Variants in MYBPC3 observed in about 807,000 individuals in gnomAD.
MYBPC3 encodes the protein myosin binding protein C3.
MYBPC3 carries 108 observed loss-of-function variants against 159.3 expected under a neutral mutation model. The ratio of observed to expected loss-of-function variants is 0.68; its 90% confidence interval spans 0.58 to 0.80. The LOEUF is 0.80. Among genes scored for constraint, MYBPC3 ranks in the 30% least tolerant of loss-of-function variants. MYBPC3 has a pLI of 0.00. For synonymous variants in MYBPC3, 730 were observed against 702.0 expected (o/e 1.04, Z -0.63); for missense variants, 1,631 against 1,762.1 (o/e 0.93, Z 1.33).
Position 47,332,578 on chromosome 11 carries a change from C to T in MYBPC3, c.3615G>A (p.Arg1205=), listed in dbSNP as rs771292799. The stretch of plus-strand genomic sequence containing the variant: ...TAAAGTTCCCTACCTTGGGGCTACC[C>T]CGGACAGCACAGCAGAGCATAGCAG... ...GYTAMLCCAV[R]GSPKPKISWF... Residue 1205 remains arginine, a synonymous_variant, in exon 32 of 35, where the codon CGG becomes CGA. Coordinates refer to ENST00000545968, the MANE Select transcript of MYBPC3 (RefSeq NM_000256.3). This position sits in a 1 kb window ranked among gnomAD's most constrained non-coding sequence, Gnocchi z 4.2. 2 of 1,612,112 alleles carry T rather than the reference C, an allele frequency of 1.2e-6. No homozygotes were observed. Among genetic ancestry groups the T allele is most frequent in the East Asian group, 4.5e-5 (2 of 44,840 alleles).
intron 21 of MYBPC3, 121 bp from the exon 22 acceptor site, chr11:47,339,525 C>G: frequency 5.4e-6 from 8 of 1,492,324 alleles, no homozygotes; most frequent in Non-Finnish European, 7.3e-6. Context: ...CCTGACCAGT[C>G]TCTCCCATGG....
chr11:47,333,170 G>A (rs780938223), intron 30 of MYBPC3, 24 bp downstream of exon 30: 11 of 1,596,436 alleles, frequency 6.9e-6, no homozygotes, highest in Admixed American at 6.9e-5. Context: ...GGGTGCACGT[G>A]GGGACCCCAG....
chr11:47,343,725 A>C, intron 12 of MYBPC3, 101 bp from the exon 13 acceptor site: 5 of 1,225,636 alleles, frequency 4.1e-6, no homozygotes, highest in Non-Finnish European at 5.5e-6. Context: ...CCCCCCTCCA[A>C]TCCCCTCTGT....
intron 30 of MYBPC3, 87 bp downstream of exon 30, chr11:47,333,107 C>T: frequency 1.3e-6 from 2 of 1,528,778 alleles, no homozygotes; most frequent in South Asian, 1.2e-5. Context: ...GTGAGGGGTC[C>T]ACGGTGAGGA....
rs375675796 is a variant in MYBPC3, at chr11:47,337,564, C to A, written c.2429G>T (p.Arg810Leu). ...GQPILGYILE[R>L]KKKKSYRWMR... ...CCACCGGTAGCTCTTCTTCTTCTTG[C>A]GCTCCAGGATGTAGCCTGGCTCAGG... Residue 810 changes from arginine to leucine, a missense_variant, in exon 25 of 35, where the codon CGC becomes CTC. Coordinates refer to ENST00000545968, the MANE Select transcript of MYBPC3 (RefSeq NM_000256.3). 2 of 1,613,848 alleles carry A rather than the reference C, an allele frequency of 1.2e-6. No homozygotes were observed. Among genetic ancestry groups the A allele is most frequent in the East Asian group, 2.2e-5 (1 of 44,890 alleles).
chr11:47,336,251 G>T, intron 25 of MYBPC3: 1 of 307,446 alleles, frequency 3.3e-6, no homozygotes, highest in Non-Finnish European at 5.9e-6. Flanking sequence ...ACTTTGGGAG[G>T]CCGAGGTGGG....
chr11:47,341,201 C>CCTCTAA lies in MYBPC3; in HGVS notation c.1833_1834insTTAGAG (p.Glu611_Ala612insLeuGlu). The CCTCTAA allele has an allele frequency of 1.3e-6, 2 of 1,592,068 alleles. No homozygotes were observed. Among genetic ancestry groups the CCTCTAA allele is most frequent in the Admixed American group, 1.8e-5 (1 of 57,130 alleles). On this transcript the variant is annotated inframe_insertion, in exon 19 of 35. Coordinates refer to ENST00000545968, the MANE Select transcript of MYBPC3 (RefSeq NM_000256.3). The stretch of plus-strand genomic sequence containing the variant: ...CCCTCGGGCACAAAGCTGTAGTCAG[C>CCTCTAA]CTCGTCGGCAGGTGTGACGTCGTCA...
In MYBPC3 at chr11:47,342,889, C is replaced by T; in HGVS notation, c.1398G>A (p.Met466Ile). ...ITRPLEDQLVMVGQRVEFECE... is the reference protein window; with the variant it reads ...ITRPLEDQLVIVGQRVEFECE... ...ACTCAAACTCCACCCGCTGCCCCAC[C>T]ATCACCAGCTGGTCCTCCAAGGGGC... Residue 466 changes from methionine (M) to isoleucine (I), a missense_variant, in exon 16 of 35, where the codon ATG becomes ATA. Coordinates refer to ENST00000545968, the MANE Select transcript of MYBPC3 (RefSeq NM_000256.3). 6.2e-7 allele frequency: 1 copy of T among 1,612,942 alleles called. No individual in the cohort carries two copies. The highest frequency in any genetic ancestry group is 8.5e-7 in the Non-Finnish European group (1 of 1,179,384).
chr11:47,347,591 A>C, intron 8 of MYBPC3, 60 bp downstream of exon 8: 1 of 1,560,608 alleles, frequency 6.4e-7, no homozygotes, highest in Non-Finnish European at 8.7e-7. Flanking sequence ...TTGGGCTCCC[A>C]CCCGTCTCAG....
chr11:47,343,500 C>A lies in MYBPC3; in HGVS notation c.1215G>T (p.Met405Ile). 1 of 1,594,378 alleles carries A rather than the reference C, an allele frequency of 6.3e-7. No individual in the cohort carries two copies. Among genetic ancestry groups the A allele is most frequent in the Non-Finnish European group, 8.5e-7 (1 of 1,170,938 alleles). The change falls in exon 13 of 35, where the codon ATG (methionine) becomes ATT (isoleucine). Residue 405 changes from methionine (M) to isoleucine (I), a missense_variant. Coordinates refer to ENST00000545968, the MANE Select transcript of MYBPC3 (RefSeq NM_000256.3). ...CCCACCCCAGGCTGCACCTGCCGCTCATCTGGATCTCCTGGCCATTCTTGA... is the reference window on the plus strand; with the variant it reads ...CCCACCCCAGGCTGCACCTGCCGCTAATCTGGATCTCCTGGCCATTCTTGA... ...KWLKNGQEIQ[M>I]SGSKYIFESI...
chr11:47,348,761 C>T (rs2095897163), intron 5 of MYBPC3, among the ~76,000 whole-genome samples: 1 of 150,848 alleles, frequency 6.6e-6, no homozygotes, highest in Admixed American at 6.6e-5. Flanking sequence ...GAAAATTAGC[C>T]AAGTATGGTG....
chr11:47,347,948 G>A (rs755785404), intron 6 of MYBPC3, 43 bp from the exon 7 acceptor site: 1 of 1,547,606 alleles, frequency 6.5e-7, no homozygotes, highest in African/African-American at 1.4e-5. Context: ...GGCTTCAGAG[G>A]GGGCCGTTTG....
At chr11:47,335,812 C>A (rs1238026180) in intron 26 of MYBPC3, 65 bp downstream of exon 26, 17 of 1,313,188 alleles carry the variant, frequency 1.3e-5, no homozygotes, top group Non-Finnish European at 1.6e-5. Flanking sequence ...ACAGGTGAAT[C>A]TGCTCAATGG....
rs544798907 is a variant in MYBPC3, at chr11:47,334,230, G to C, written c.2906-220C>G. On this transcript the variant is annotated intron_variant, in intron 27 of 34. Transcript: ENST00000545968. ...TCACCACTTCAAAAGGCAGGGATCA[G>C]AGAGGGTAAGCAACTTGACTGAAGT... Among the ~76,000 whole-genome samples the C allele has an allele frequency of 2.0e-5, 3 of 152,366 alleles. No homozygotes were observed. In the South Asian group the frequency reaches 6.2e-4, roughly 32 times the overall value.
At chr11:47,340,230 CACACACAG>C (rs1390701301) in intron 20 of MYBPC3, among the ~76,000 whole-genome samples, 2 of 138,378 alleles carry the variant, frequency 1.4e-5, no homozygotes, top group Non-Finnish European at 3.0e-5. Context: ...CATACACGCA[CACACACAG>C]ACACAGACAC....
intron 20 of MYBPC3, among the ~76,000 whole-genome samples, chr11:47,340,603 C>G (rs2095887508): frequency 6.6e-6 from 1 of 152,202 alleles, no homozygotes; most frequent in South Asian, 2.1e-4. Flanking sequence ...GGAGGCGGAG[C>G]TTGCAGTGAG....
At position 47,350,548 on chromosome 11, in the gene MYBPC3, G is replaced by A. The variant is rs954423106; in HGVS notation, c.360C>T (p.Ala120=). The change falls in exon 3 of 35, where the codon GCC becomes GCT. Residue 120 remains alanine, a synonymous_variant. Transcript: ENST00000545968. ...PAEATGAPGE[A]PAPAAELGES... ...CTCCCAGCTCAGCGGCTGGGGCCGG[G>A]GCTTCTCCAGGGGCTCCAGTGGCCT... 6.4e-7 allele frequency: 1 copy of A among 1,553,232 alleles called. No homozygotes were observed. Among genetic ancestry groups the A allele is most frequent in the Non-Finnish European group, 8.6e-7 (1 of 1,156,324 alleles).
At position 47,343,280 on chromosome 11, in the gene MYBPC3, C is replaced by T; in HGVS notation, c.1224-18G>A. On this transcript the variant is annotated intron_variant, in intron 13 of 34. Transcript: ENST00000545968. ...CTTACTTGCTGTAGAACAGAAGGGG[C>T]CGTTGAAGTGTTCCCGACGGGAGGA... 1 of 1,550,666 alleles carries T rather than the reference C, an allele frequency of 6.4e-7. No homozygotes were observed. The highest frequency in any genetic ancestry group is 1.2e-5 in the South Asian group (1 of 82,924).
rs730880560 is a variant in MYBPC3 at position 47,339,740 on chromosome 11, C to A, written c.1978G>T (p.Val660Leu). 1 of 1,613,860 alleles carries A rather than the reference C, an allele frequency of 6.2e-7. No individual in the cohort carries two copies. The highest frequency in any genetic ancestry group is 1.3e-5 in the African/African-American group (1 of 74,934). The change falls in exon 21 of 35, where the codon GTG becomes TTG. Residue 660 changes from valine to leucine, a missense_variant. Physicochemically the swap from Val to Leu is conservative, Grantham distance 32. Transcript: ENST00000545968. Reference protein sequence around the residue: ...DCPGRIPDTIVVVAGNKLRLD... With the variant: ...DCPGRIPDTILVVAGNKLRLD... The stretch of plus-strand genomic sequence containing the variant: ...CGTAGCTTATTTCCAGCTACAACCA[C>A]AATGGTGTCTGGTATGCGGCCTGGG...
Sources: gnomAD v4.1 joint callset for allele counts (sites outside exome capture counted in the v4.1 genomes callset) on GRCh38, gnomAD v4.1.1 for gene constraint, Gnocchi (gnomAD v3.1) non-coding constraint, MANE v1.5 for transcripts, NCBI Gene and HGNC (gene_info 2026-07-23, HGNC 2026-07-21) for gene names.